Variants in ITSN1 observed in about 807,000 individuals in gnomAD.
The protein encoded by ITSN1 is intersectin-1.
Under a neutral mutation model 239.8 loss-of-function variants are expected in ITSN1, and 58 were observed. The ratio of observed to expected loss-of-function variants is 0.24; its 90% CI spans 0.20 to 0.30. The LOEUF is 0.30. ITSN1 is among the 10% of genes least tolerant of loss of function. ITSN1 has a pLI of 1.00. For synonymous variants in ITSN1, 780 were observed against 770.8 expected (o/e 1.01, Z -0.20); for missense variants, 1,558 against 2,103.3 (o/e 0.74, Z 5.07).
chr21:33,661,893 A>G (rs893746693), intron 1 of ITSN1, among the ~76,000 whole-genome samples: 1 of 148,046 alleles, frequency 6.8e-6, no homozygotes, highest in Non-Finnish European at 1.5e-5. Context: ...AGTCCATTAA[A>G]CCTCTTTTTC....
intron 20 of ITSN1, among the ~76,000 whole-genome samples, chr21:33,809,137 A>C (rs533652665): frequency 1.6e-4 from 24 of 152,348 alleles, no homozygotes; most frequent in Non-Finnish European, 4.4e-5. Context: ...TGCCCAGAAA[A>C]AGAACAGTAA....
chr21:33,881,990 C>T lies in ITSN1; in HGVS notation c.4342-253C>T, dbSNP rs578126266. 1.1e-4 allele frequency among the ~76,000 whole-genome samples: 17 copies of T among 151,486 alleles called. No individual in the cohort carries two copies. In the South Asian group the frequency reaches 3.6e-3, roughly 32 times the overall value. On this transcript the variant is annotated intron_variant, in intron 34 of 39. Transcript: ENST00000381318. ...AAAAGAAAAAACACACCAGTTGCAC[C>T]ATAAGACACTGGCATGCTCCTAGAG...
At chr21:33,841,405 A>G (rs1474716714) in intron 29 of ITSN1, among the ~76,000 whole-genome samples, 6 of 152,212 alleles carry the variant, frequency 3.9e-5, no homozygotes, top group Admixed American at 6.5e-5. Flanking sequence ...AAAAATGCCT[A>G]TTGAATGAGT....
chr21:33,799,017 T>A (rs2071773650), intron 18 of ITSN1, among the ~76,000 whole-genome samples: 1 of 152,192 alleles, frequency 6.6e-6, no homozygotes, highest in Non-Finnish European at 1.5e-5. Context: ...GTCATACAGT[T>A]CAAAATCATG....
rs889726755 is a variant in ITSN1, at chr21:33,642,579, C to G, written c.-167C>G. ...TACGGCGGCTCGCGAGGAAGAATCC[C>G]GAGCGGGCTCCGGGACGGACAGAGA... On this transcript the variant is annotated 5_prime_UTR_variant, in exon 1 of 40. Transcript: ENST00000381318. 6.5e-6 allele frequency: 1 copy of G among 153,146 alleles called. No individual in the cohort carries two copies. 9.5% of individuals were successfully genotyped at this position (153,146 alleles called of 1,614,324 possible).
intron 1 of ITSN1, among the ~76,000 whole-genome samples, chr21:33,670,306 G>A (rs77044368): frequency 0.015 from 2,346 of 152,208 alleles, 30 homozygotes; most frequent in Middle Eastern, 0.031. Context: ...ATTGAGTCGT[G>A]ATTATGTCAT....
At chr21:33,816,104 T>A (rs920549049) in intron 22 of ITSN1, among the ~76,000 whole-genome samples, 2 of 150,988 alleles carry the variant, frequency 1.3e-5, no homozygotes, top group Non-Finnish European at 3.0e-5. Context: ...GAGGCAGGAG[T>A]ATCACTTGAA....
chr21:33,670,375 A>T (rs1369743330), intron 1 of ITSN1, among the ~76,000 whole-genome samples: 8 of 152,130 alleles, frequency 5.3e-5, no homozygotes, highest in Admixed American at 3.3e-4. Context: ...ACAAAACAAA[A>T]TCTGAGAAAT....
At chr21:33,760,476 T>C (rs1291875351) in intron 8 of ITSN1, among the ~76,000 whole-genome samples, 1 of 152,180 alleles carries the variant, frequency 6.6e-6, no homozygotes, top group Non-Finnish European at 1.5e-5. Context: ...TATATGTAAA[T>C]AAAAGTTGAA....
chr21:33,897,477 G>A lies in ITSN1; in HGVS notation c.*9177G>A, dbSNP rs1163771586. The A allele has an allele frequency of 2.6e-5, 4 of 152,180 alleles. No homozygotes were observed. The highest frequency in any genetic ancestry group is 7.2e-5 in the African/African-American group (3 of 41,434). 9.4% of individuals were successfully genotyped at this position (152,180 alleles called of 1,614,324 possible). ...GTGGATGATAATCAGCTCAGTTTCC[G>A]GTTTTCTACATTCTGTGCTGTTTCC... On this transcript the variant is annotated 3_prime_UTR_variant, in exon 40 of 40. Transcript: ENST00000381318.
rs773384411 is a variant in ITSN1, at chr21:33,818,512, T to C, written c.2933+40T>C. 4.0e-6 allele frequency: 6 copies of C among 1,488,092 alleles called. No individual in the cohort carries two copies. In the East Asian group the frequency reaches 1.4e-4, roughly 34 times the overall value. 92.2% of individuals were successfully genotyped at this position (1,488,092 alleles called of 1,614,324 possible). On this transcript the variant is annotated intron_variant, in intron 23 of 39. Coordinates refer to ENST00000381318, the MANE Select transcript of ITSN1 (RefSeq NM_003024.3). ...ATCTGCTTGTATTTGATGAAAACAA[T>C]ATTAGGCGTTATATTACTGTTTGCA...
chr21:33,833,542 T>C (rs2074415793), intron 27 of ITSN1, among the ~76,000 whole-genome samples: 1 of 152,216 alleles, frequency 6.6e-6, no homozygotes. Context: ...TGGAATTGTG[T>C]GCATAAATGC....
intron 27 of ITSN1, among the ~76,000 whole-genome samples, chr21:33,832,248 A>G (rs1176685091): frequency 6.6e-6 from 1 of 152,080 alleles, no homozygotes; most frequent in African/African-American, 2.4e-5. Flanking sequence ...GGGAGATCCC[A>G]CTTCTGGAAG....
chr21:33,887,599 A>T lies in ITSN1; in HGVS notation c.5018-553A>T, dbSNP rs1025420235. 9.3e-5 allele frequency among the ~76,000 whole-genome samples: 14 copies of T among 151,274 alleles called. No individual in the cohort carries two copies. In the East Asian group the frequency reaches 1.4e-3, roughly 15 times the overall value. ...CAACTTCTAATTCTTTTTTCTTTTT[A>T]TTTTTTTTATTTATTTATCTTTTTT... On this transcript the variant is annotated intron_variant, in intron 39 of 39. Coordinates refer to ENST00000381318, the MANE Select transcript of ITSN1 (RefSeq NM_003024.3).
At chr21:33,707,796 C>G (rs1338299235) in intron 1 of ITSN1, among the ~76,000 whole-genome samples, 1 of 152,096 alleles carries the variant, frequency 6.6e-6, no homozygotes, top group Non-Finnish European at 1.5e-5. Context: ...ATTCATTGAT[C>G]AGTTGATTGA....
At chr21:33,645,328 A>G (rs1286255055) in intron 1 of ITSN1, among the ~76,000 whole-genome samples, 1 of 152,158 alleles carries the variant, frequency 6.6e-6, no homozygotes, top group Non-Finnish European at 1.5e-5. Flanking sequence ...CACTTACATC[A>G]GCATTAATGG....
At chr21:33,813,812 GGGA>G in intron 21 of ITSN1, 98 bp from the exon 22 acceptor site, 1 of 1,000,882 alleles carries the variant, frequency 1.0e-6, no homozygotes, top group Non-Finnish European at 1.5e-6. Context: ...TGGCATATTA[GGGA>G]GTGCTTGCTT....
intron 19 of ITSN1, among the ~76,000 whole-genome samples, chr21:33,800,725 C>T (rs948092802): frequency 6.6e-6 from 1 of 151,734 alleles, no homozygotes; most frequent in African/African-American, 2.4e-5. Flanking sequence ...AATAGTAGTT[C>T]CTTGTTCTAG....
rs1602322834 is a variant in ITSN1 at position 33,802,589 on chromosome 21, T to A, written c.2319+145T>A. ...TTTGAGTCTGTGTAGTAGGTTGTGC[T>A]TTTTAAAAAAAAAGTAAGTCGTAAG... On this transcript the variant is annotated intron_variant, in intron 20 of 39. Coordinates refer to ENST00000381318, the MANE Select transcript of ITSN1 (RefSeq NM_003024.3). 7.0e-6 allele frequency: 5 copies of A among 712,556 alleles called. No individual in the cohort carries two copies. The East Asian group carries it at 1.4e-4, about 19-fold the overall frequency. The allele number at this position is 712,556 out of a possible 1,614,324, so 44.1% of individuals were successfully genotyped here.
Sources: allele counts gnomAD v4.1 joint callset (sites outside exome capture counted in the v4.1 genomes callset), GRCh38; gene constraint gnomAD v4.1.1; transcripts MANE v1.5; gene names NCBI Gene and HGNC (gene_info 2026-07-23, HGNC 2026-07-21).